Variants in SPTBN5 observed in about 807,000 individuals in gnomAD.
SPTBN5 encodes the protein spectrin beta chain, non-erythrocytic 5.
Under a neutral mutation model 477.6 loss-of-function variants are expected in SPTBN5, and 513 were observed. The ratio of observed to expected loss-of-function variants is 1.07; its 90% CI spans 1.00 to 1.16. SPTBN5 has a LOEUF of 1.16. SPTBN5 is among the 50% of genes most tolerant of loss of function. The pLI, the probability that SPTBN5 is intolerant of heterozygous loss-of-function variation, is 0.00. For synonymous variants in SPTBN5, 2,169 were observed against 2,011.7 expected, an observed-to-expected ratio of 1.08 and a Z score of -2.09; for missense variants, 5,062 against 4,731.8, an observed-to-expected ratio of 1.07 and a Z score of -2.05.
intron 56 of SPTBN5, 48 bp downstream of exon 56, chr15:41,854,734 T>C: frequency 6.9e-7 from 1 of 1,443,700 alleles, no homozygotes; most frequent in South Asian, 1.5e-5. Flanking sequence ...GAGGGATTTT[T>C]TGAAGACTCT....
intron 39 of SPTBN5, 117 bp from the exon 40 acceptor site, chr15:41,864,141 G>T: frequency 1.1e-6 from 1 of 888,394 alleles, no homozygotes; most frequent in East Asian, 2.5e-5. Flanking sequence ...TGCATATTTG[G>T]GCAGTGGGAA....
intron 6 of SPTBN5, among the ~76,000 whole-genome samples, chr15:41,886,794 G>A (rs1239313363): frequency 4.6e-5 from 7 of 152,324 alleles, no homozygotes; most frequent in Non-Finnish European, 1.0e-4. Context: ...CTTAGCCTCT[G>A]CCATCGTGTC....
In SPTBN5 at chr15:41,852,664, T is replaced by C. The variant is rs1431635637; in HGVS notation, c.10419A>G (p.Glu3473=). 6.2e-7 allele frequency: 1 copy of C among 1,613,634 alleles called. No individual in the cohort carries two copies. Reference sequence around the variant, plus strand: ...TCTTTTGCATTTGGGCAAACTTCTCTTCCTGGGCTGCCAGCAGCTTTTCTA... The same window carrying C: ...TCTTTTGCATTTGGGCAAACTTCTCCTCCTGGGCTGCCAGCAGCTTTTCTA... ...QDLEKLLAAQ[E]EKFAQMQKTE... Residue 3473 remains glutamate (E), a synonymous_variant, in exon 61 of 68, where the codon GAA becomes GAG. Coordinates refer to ENST00000320955, the MANE Select transcript of SPTBN5 (RefSeq NM_016642.4).
chr15:41,863,867 C>T (rs1647354434), intron 40 of SPTBN5, 42 bp downstream of exon 40: 2 of 1,612,926 alleles, frequency 1.2e-6, no homozygotes, highest in Admixed American at 1.7e-5. Flanking sequence ...GGCCTTCCAC[C>T]CCTCTTCCCG....
chr15:41,850,719 A>AG, intron 66 of SPTBN5, 135 bp downstream of exon 66: 1 of 779,694 alleles, frequency 1.3e-6, no homozygotes, highest in South Asian at 1.9e-5. Context: ...TTGAGGAAAA[A>AG]CAGTAAGTCC....
chr15:41,856,528 A>T lies in SPTBN5; in HGVS notation c.8879T>A (p.Val2960Glu), dbSNP rs1334093992. ...RVVLGTGYKL[V>E]QAGHFAAHEV... ...GTGGGCGGCAAAGTGCCCAGCCTGC[A>T]CCAGCTTGTACCCAGTGCCCAGCAC... Residue 2960 changes from valine (V) to glutamate (E), a missense_variant, in exon 53 of 68, where the codon GTG becomes GAG. Physicochemically the swap from Val to Glu is moderately radical, Grantham distance 121. Coordinates refer to ENST00000320955, the MANE Select transcript of SPTBN5 (RefSeq NM_016642.4). 2.5e-6 allele frequency: 4 copies of T among 1,601,728 alleles called. No individual in the cohort carries two copies. The African/African-American group carries it at 5.4e-5, about 21-fold the overall frequency.
In SPTBN5 at chr15:41,855,555, G is replaced by A. The variant is rs762583767; in HGVS notation, c.9212C>T (p.Pro3071Leu). 3.1e-6 allele frequency: 5 copies of A among 1,609,072 alleles called. No individual in the cohort carries two copies. Among genetic ancestry groups the A allele is most frequent in the African/African-American group, 2.7e-5 (2 of 74,816 alleles). The change falls in exon 54 of 68, where the codon CCA becomes CTA. Residue 3071 changes from proline to leucine, a missense_variant. By Grantham distance (98) the Pro-to-Leu change is moderately conservative. Transcript: ENST00000320955. ...TAALLESRKN[P>L]ESPKVLAQLQ... ...TGGTGTGGCTTCCGCCCACCTTTCTGGGTTCTTCCTGCTCTCCAGGAGTGC... is the reference window on the plus strand; with the variant it reads ...TGGTGTGGCTTCCGCCCACCTTTCTAGGTTCTTCCTGCTCTCCAGGAGTGC...
In SPTBN5 at chr15:41,886,164, C is replaced by T. The variant is rs745335403; in HGVS notation, c.1091G>A (p.Gly364Glu). The T allele has an allele frequency of 4.3e-6, 7 of 1,612,520 alleles. No homozygotes were observed. The highest frequency in any genetic ancestry group is 5.9e-6 in the Non-Finnish European group (7 of 1,179,602). The change falls in exon 7 of 68, where the codon GGG (glycine) becomes GAG (glutamate). Residue 364 changes from glycine to glutamate, a missense_variant. Coordinates refer to ENST00000320955, the MANE Select transcript of SPTBN5 (RefSeq NM_016642.4). ...QEKPPRLQQR[G>E]AAEALLFRLQ... ...CCGGAAGAGCAGGGCCTCTGCGGCC[C>T]CTCGCTGCTGTAGCCGGGGTGGCTT...
rs116365747 is a variant in SPTBN5 at position 41,892,484 on chromosome 15, C to T, written c.384+410G>A. ...GGCCCTGCTCCTCTTCCCCACCTGC[C>T]GTCTTAGTCCCACATCTGGGCTCTG... On this transcript the variant is annotated intron_variant, in intron 3 of 67. Transcript: ENST00000320955. Among the ~76,000 whole-genome samples, 805 of 152,328 alleles carry T rather than the reference C, an allele frequency of 5.3e-3. 4 individuals are homozygous for T. The highest frequency in any genetic ancestry group is 0.019 in the African/African-American group (770 of 41,568).
chr15:41,866,810 G>A, intron 36 of SPTBN5, 149 bp downstream of exon 36: 1 of 1,103,376 alleles, frequency 9.1e-7, no homozygotes, highest in East Asian at 2.6e-5. Context: ...AAGGGGCTTA[G>A]ATCCCATGTT....
intron 65 of SPTBN5, 42 bp downstream of exon 65, chr15:41,851,017 G>A (rs1411423882): frequency 3.1e-6 from 5 of 1,597,718 alleles, no homozygotes; most frequent in Non-Finnish European, 4.3e-6. Context: ...TGAGCCAGGT[G>A]GCTGCTGGGG....
chr15:41,866,967 C>T lies in SPTBN5; in HGVS notation c.6472G>A (p.Ala2158Thr), dbSNP rs754338822. The change falls in exon 36 of 68, where the codon GCA becomes ACA. Residue 2158 changes from alanine to threonine, a missense_variant. Physicochemically the swap from Ala to Thr is moderately conservative, Grantham distance 58. Transcript: ENST00000320955. The stretch of plus-strand genomic sequence containing the variant: ...TGGGGGTGCCCTCTGACCTGGGTTG[C>T]GGCCTGGGTGAAGCTGGCCATCAGC... The part of the protein sequence containing the change: ...SLLMASFTQA[A>T]TQAEDWIQAW... 3.1e-5 allele frequency: 48 copies of T among 1,573,444 alleles called. No homozygotes were observed. The highest frequency in any genetic ancestry group is 1.7e-4 in the Middle Eastern group (1 of 5,998).
chr15:41,882,232 G>GGGC (rs2140960635), intron 11 of SPTBN5, 37 bp downstream of exon 11: 3 of 1,254,126 alleles, frequency 2.4e-6, no homozygotes, highest in Non-Finnish European at 3.2e-6. Context: ...GCCTCGCCGG[G>GGGC]CCCCGCCCCC....
chr15:41,852,440 G>T, intron 61 of SPTBN5, 124 bp from the exon 62 acceptor site: 1 of 1,381,364 alleles, frequency 7.2e-7, no homozygotes, highest in African/African-American at 1.4e-5. Context: ...CCCATCACTA[G>T]CTCTTTCAGC....
At position 41,854,270 on chromosome 15, in the gene SPTBN5, G is replaced by A. The variant is rs2140914267; in HGVS notation, c.9619-65C>T. ...CTCCCAGGATTCCTTTCTCCCTGGA[G>A]ACATGGCCTTCTGGGCCACCTCCTT... On this transcript the variant is annotated intron_variant, in intron 56 of 67. Transcript: ENST00000320955. The A allele has an allele frequency of 5.9e-6, 9 of 1,531,682 alleles. No individual in the cohort carries two copies. In the South Asian group the frequency reaches 8.5e-5, roughly 14 times the overall value. 94.9% of individuals were successfully genotyped at this position (1,531,682 alleles called of 1,614,324 possible).
chr15:41,863,931 G>C lies in SPTBN5; in HGVS notation c.7012C>G (p.Arg2338Gly), dbSNP rs186967701. 2.3e-4 allele frequency: 368 copies of C among 1,613,700 alleles called. No homozygotes were observed. Among genetic ancestry groups the C allele is most frequent in the Non-Finnish European group, 2.9e-4 (347 of 1,179,878 alleles). ...GGCCTGTTGTTGAGCTGGCTTCGCC[G>C]CTGGCAGATGATCTTGACTTCCTCA... Reference protein sequence around the residue: ...DPEEVKIICQRRSQLNNRWAS... With the variant: ...DPEEVKIICQGRSQLNNRWAS... Residue 2338 changes from arginine to glycine, a missense_variant, in exon 40 of 68, where the codon CGG (arginine) becomes GGG (glycine). Physicochemically the swap from Arg to Gly is moderately radical, Grantham distance 125. Transcript: ENST00000320955.
rs572894681 is a variant in SPTBN5 at position 41,850,719 on chromosome 15, A to C, written c.10921+135T>G. On this transcript the variant is annotated intron_variant, in intron 66 of 67. Transcript: ENST00000320955. ...CAGGACCTAAATTCTTTGAGGAAAA[A>C]CAGTAAGTCCCACTTCTTGGAGGTT... 311 of 779,692 alleles carry C rather than the reference A, an allele frequency of 4.0e-4. 1 individual carries two copies. Among genetic ancestry groups the C allele is most frequent in the Non-Finnish European group, 5.6e-4 (278 of 500,548 alleles). The allele number at this position is 779,692 out of a possible 1,614,324, so 48.3% of individuals were successfully genotyped here.
chr15:41,860,000 A>G (rs1030409230), intron 47 of SPTBN5, among the ~76,000 whole-genome samples: 2 of 152,226 alleles, frequency 1.3e-5, no homozygotes, highest in Admixed American at 6.5e-5. Flanking sequence ...GAAGCAGCCA[A>G]ACCTGATGAG....
intron 40 of SPTBN5, 38 bp downstream of exon 40, chr15:41,863,871 C>T: frequency 6.2e-7 from 1 of 1,613,186 alleles, no homozygotes; most frequent in Middle Eastern, 1.7e-4. Flanking sequence ...TTCCACCCCT[C>T]TTCCCGGCCC....
Sources: gnomAD v4.1 joint callset for allele counts (sites outside exome capture counted in the v4.1 genomes callset) on GRCh38, gnomAD v4.1.1 for gene constraint, MANE v1.5 for transcripts, NCBI Gene and HGNC (gene_info 2026-07-23, HGNC 2026-07-21) for gene names.